UBR3: variants seen among roughly 807,000 people sequenced by gnomAD.
UBR3 encodes E3 ubiquitin-protein ligase UBR3.
UBR3 carries 85 observed loss-of-function variants against 243.2 expected under a neutral mutation model. The observed-to-expected ratio is 0.35, with a 90% CI of 0.29 to 0.42. The LOEUF (loss-of-function observed/expected upper bound fraction) is 0.42. Among genes scored for constraint, UBR3 ranks in the 10% least tolerant of loss-of-function variants. The pLI, the probability that UBR3 is intolerant of heterozygous loss-of-function variation, is 1.00. For missense variants in UBR3, 1,686 were observed against 2,300.8 expected (o/e 0.73, Z 5.47); for synonymous variants, 748 against 799.8 (o/e 0.94, Z 1.09).
chr2:170,046,648 T>C (rs575720779), intron 32 of UBR3, among the ~76,000 whole-genome samples: 1 of 152,374 alleles, frequency 6.6e-6, no homozygotes, highest in African/African-American at 2.4e-5. Flanking sequence ...GTAGAAGCTA[T>C]TGATTATTCT....
intron 1 of UBR3, among the ~76,000 whole-genome samples, chr2:169,859,978 A>G (rs1204643541): frequency 1.3e-5 from 2 of 151,976 alleles, no homozygotes; most frequent in South Asian, 2.1e-4. Context: ...CGGCCTCCCA[A>G]AGTGCTGGGA....
chr2:169,994,300 T>A (rs746405919), intron 25 of UBR3, 23 bp from the exon 26 acceptor site: 4 of 1,611,102 alleles, frequency 2.5e-6, no homozygotes, highest in Non-Finnish European at 3.4e-6. Context: ...TTTTGATTAA[T>A]GAGCTTTTAT....
At chr2:170,032,503 G>A (rs893158762) in intron 31 of UBR3, among the ~76,000 whole-genome samples, 13 of 147,206 alleles carry the variant, frequency 8.8e-5, no homozygotes, top group East Asian at 6.0e-4. Context: ...TTATGCTTGC[G>A]TTTAGTTGCC....
intron 26 of UBR3, among the ~76,000 whole-genome samples, chr2:169,996,830 G>T (rs1404052760): frequency 6.6e-6 from 1 of 151,346 alleles, no homozygotes; most frequent in African/African-American, 2.4e-5. Context: ...CTTCCGAGTA[G>T]CTGGGACTAC....
intron 35 of UBR3, among the ~76,000 whole-genome samples, chr2:170,069,590 A>T (rs949081443): frequency 1.3e-5 from 2 of 151,396 alleles, no homozygotes; most frequent in East Asian, 3.9e-4. Flanking sequence ...ACATCTCCCC[A>T]TTTCTCCCAG....
At chr2:169,836,058 T>C (rs2082093605) in intron 1 of UBR3, among the ~76,000 whole-genome samples, 1 of 58,214 alleles carries the variant, frequency 1.7e-5, no homozygotes, top group African/African-American at 5.2e-5. Flanking sequence ...TATATATATA[T>C]ATATATATAT....
intron 30 of UBR3, among the ~76,000 whole-genome samples, chr2:170,019,968 A>T (rs1226679264): frequency 6.6e-6 from 1 of 151,932 alleles, no homozygotes; most frequent in Admixed American, 6.6e-5. Flanking sequence ...CTTTGTAGAG[A>T]TGGGGTCTCA....
Position 169,946,296 on chromosome 2 carries a change from G to A in UBR3, c.2814G>A (p.Met938Ile). Reference protein sequence around the residue: ...VLFTLLYKILMDHQNLSEHVL... With the variant: ...VLFTLLYKILIDHQNLSEHVL... ...TTCTTCCCTTTTTAAAGATTTTGAT[G>A]GATCATCAAAATCTGTCAGAACATG... is the stretch of plus-strand genomic sequence containing the variant. Residue 938 changes from methionine (M) to isoleucine (I), a missense_variant, in exon 21 of 39, where the codon ATG becomes ATA. By Grantham distance (10) the Met-to-Ile change is conservative. Coordinates refer to ENST00000272793, the MANE Select transcript of UBR3 (RefSeq NM_172070.4). The A allele has an allele frequency of 1.3e-6, 2 of 1,482,902 alleles. No homozygotes were observed. Among genetic ancestry groups the A allele is most frequent in the Non-Finnish European group, 9.0e-7 (1 of 1,115,752 alleles). The allele number at this position is 1,482,902 out of a possible 1,614,324, so 91.9% of individuals were successfully genotyped here.
chr2:169,844,037 G>A (rs1057360234), intron 1 of UBR3, among the ~76,000 whole-genome samples: 3 of 96,080 alleles, frequency 3.1e-5, no homozygotes, highest in African/African-American at 6.8e-5. Flanking sequence ...ACTGAGTTTC[G>A]CTCTTTTTGC....
chr2:169,836,031 C>A (rs867327158), intron 1 of UBR3, among the ~76,000 whole-genome samples: 10 of 25,178 alleles, frequency 4.0e-4, no homozygotes, highest in African/African-American at 1.0e-3. Flanking sequence ...CTCTCTCTCT[C>A]TCTCTCTCTC....
chr2:169,973,259 TAAAAG>T (rs1335663131), intron 24 of UBR3, among the ~76,000 whole-genome samples: 1 of 135,278 alleles, frequency 7.4e-6, no homozygotes, highest in Non-Finnish European at 1.6e-5. Flanking sequence ...CTCAAGGAAA[TAAAAG>T]AGGATACAAA....
chr2:170,046,590 C>G (rs182201992), intron 32 of UBR3, among the ~76,000 whole-genome samples: 7 of 152,256 alleles, frequency 4.6e-5, no homozygotes, highest in Non-Finnish European at 1.0e-4. Flanking sequence ...ATGTTAAATA[C>G]TTTTTTATCA....
intron 1 of UBR3, among the ~76,000 whole-genome samples, chr2:169,862,990 T>C (rs2083141806): frequency 6.6e-6 from 1 of 152,208 alleles, no homozygotes; most frequent in African/African-American, 2.4e-5. Flanking sequence ...TGTAGTAAGT[T>C]GAGAATGGGA....
intron 32 of UBR3, among the ~76,000 whole-genome samples, chr2:170,052,947 T>C (rs2091254563): frequency 6.6e-6 from 1 of 152,184 alleles, no homozygotes; most frequent in Admixed American, 6.5e-5. Context: ...CAAAACTACA[T>C]TGTCTACCTT....
chr2:170,037,140 T>C (rs149064823), intron 31 of UBR3, among the ~76,000 whole-genome samples: 1,559 of 152,296 alleles, frequency 0.01, 17 homozygotes, highest in Non-Finnish European at 0.016. Context: ...ATCCTAGTTA[T>C]TAAATACTAA....
In UBR3 at chr2:170,080,586, G is replaced by C; in HGVS notation, c.5451G>C (p.Leu1817Phe). Residue 1817 changes from leucine to phenylalanine, a missense_variant, in exon 38 of 39, where the codon TTG becomes TTC. Physicochemically the swap from Leu to Phe is conservative, Grantham distance 22. Transcript: ENST00000272793. ...GTGCAGGAACAGGTATTTTCCTTTT[G>C]ATCAATGCATCGGTAATTATCATCA... ...NCGAGTGIFLLINASVIIIIR... is the reference protein window; with the variant it reads ...NCGAGTGIFLFINASVIIIIR... 6.2e-7 allele frequency: 1 copy of C among 1,613,750 alleles called. No homozygotes were observed. The highest frequency in any genetic ancestry group is 8.5e-7 in the Non-Finnish European group (1 of 1,179,862).
intron 30 of UBR3, among the ~76,000 whole-genome samples, chr2:170,018,810 A>T (rs1236845849): frequency 1.3e-5 from 2 of 152,190 alleles, no homozygotes; most frequent in Non-Finnish European, 2.9e-5. Flanking sequence ...TAAAGGCATA[A>T]CTTTTTATTA....
At chr2:169,921,533 G>T (rs2085696682) in intron 11 of UBR3, among the ~76,000 whole-genome samples, 3 of 152,170 alleles carry the variant, frequency 2.0e-5, no homozygotes, top group African/African-American at 4.8e-5. Context: ...ATAAAATAGG[G>T]TCCATGGCTT....
chr2:170,038,404 C>T (rs2090884015), intron 31 of UBR3, among the ~76,000 whole-genome samples: 1 of 152,166 alleles, frequency 6.6e-6, no homozygotes, highest in African/African-American at 2.4e-5. Flanking sequence ...ATGAATATTT[C>T]ATTTGTTTAT....
Sources: gnomAD v4.1 joint callset for allele counts (sites outside exome capture counted in the v4.1 genomes callset) on GRCh38, gnomAD v4.1.1 for gene constraint, MANE v1.5 for transcripts, NCBI Gene and HGNC (gene_info 2026-07-23, HGNC 2026-07-21) for gene names.